SLC15A2: variants seen among roughly 807,000 people sequenced by gnomAD.
SLC15A2 encodes the protein kidney H(+)/peptide cotransporter.
In SLC15A2, 77 loss-of-function variants were observed where a neutral mutation model predicts 95.5. The observed-to-expected ratio is 0.81, with a 90% CI of 0.67 to 0.97. SLC15A2 has a LOEUF of 0.97. Ranked by LOEUF, SLC15A2 falls within the 50% of genes least tolerant of loss-of-function variation. The probability of loss-of-function intolerance (pLI) is 0.00; values close to 1 mark genes in which losing one functional copy is unlikely to be tolerated. For synonymous variants in SLC15A2, 306 were observed against 306.9 expected, an observed-to-expected ratio of 1.00 and a Z score of 0.03; for missense variants, 893 against 874.4, an observed-to-expected ratio of 1.02 and a Z score of -0.27.
At chr3:121,918,964 C>T (rs1289555454) in intron 7 of SLC15A2, among the ~76,000 whole-genome samples, 1 of 152,172 alleles carries the variant, frequency 6.6e-6, no homozygotes, top group South Asian at 2.1e-4. Flanking sequence ...GCCCACTGGG[C>T]TCGCTCAGCC....
At chr3:121,923,200 T>A (rs746975965) in intron 10 of SLC15A2, 22 bp from the exon 11 acceptor site, 1 of 1,613,860 alleles carries the variant, frequency 6.2e-7, no homozygotes, top group South Asian at 1.1e-5. Context: ...GGATTTCTCA[T>A]AACAGGATCT....
chr3:121,906,785 C>T (rs1709656006), intron 3 of SLC15A2, among the ~76,000 whole-genome samples: 1 of 152,166 alleles, frequency 6.6e-6, no homozygotes, highest in Non-Finnish European at 1.5e-5. Flanking sequence ...TCTGGCTGCC[C>T]TTAACATTTT....
At chr3:121,935,705 C>CA (rs1486916421) in intron 19 of SLC15A2, among the ~76,000 whole-genome samples, 6 of 151,912 alleles carry the variant, frequency 3.9e-5, no homozygotes, top group Admixed American at 6.6e-5. Context: ...TTGATCCTTT[C>CA]AAAAAACCAG....
intron 1 of SLC15A2, 114 bp from the exon 2 acceptor site, chr3:121,896,292 C>A (rs1311127129): frequency 2.8e-5 from 23 of 808,676 alleles, no homozygotes; most frequent in Non-Finnish European, 4.5e-5. Context: ...GACCATTGCT[C>A]CATTACCTAC....
chr3:121,940,137 C>T (rs1015528553), intron 20 of SLC15A2, among the ~76,000 whole-genome samples: 4 of 152,012 alleles, frequency 2.6e-5, no homozygotes, highest in Non-Finnish European at 5.9e-5. Flanking sequence ...TATAAGAATA[C>T]GAATAGAACT....
chr3:121,907,738 T>C (rs1709682070), intron 3 of SLC15A2, among the ~76,000 whole-genome samples: 1 of 152,210 alleles, frequency 6.6e-6, no homozygotes, highest in Non-Finnish European at 1.5e-5. Context: ...TGATCCTTCC[T>C]CTGGAAACTT....
At chr3:121,926,270 T>A (rs1710120315) in intron 13 of SLC15A2, among the ~76,000 whole-genome samples, 2 of 152,002 alleles carry the variant, frequency 1.3e-5, no homozygotes, top group African/African-American at 2.4e-5. Flanking sequence ...GGAGGTGGGG[T>A]CTGGTGGGAG....
At position 121,927,755 on chromosome 3, in the gene SLC15A2, C is replaced by T. The variant is rs774909132; in HGVS notation, c.1125-3C>T. 4.5e-5 allele frequency: 73 copies of T among 1,610,926 alleles called. No homozygotes were observed. Among genetic ancestry groups the T allele is most frequent in the Non-Finnish European group, 6.1e-5 (72 of 1,177,130 alleles). ...ATATAATTGTTTCTCCTTTCCACCA[C>T]AGATCACTTAGGAAAATGGCTGTTG... On this transcript the variant is annotated splice_region_variant and splice_polypyrimidine_tract_variant and intron_variant, in intron 13 of 21. Transcript: ENST00000489711.
intron 3 of SLC15A2, among the ~76,000 whole-genome samples, chr3:121,905,851 A>C (rs1709627587): frequency 6.6e-6 from 1 of 152,172 alleles, no homozygotes; most frequent in South Asian, 2.1e-4. Context: ...AGTTCTGTAG[A>C]TGTTTATTAG....
At chr3:121,931,931 C>T (rs897682060) in intron 19 of SLC15A2, among the ~76,000 whole-genome samples, 196 bp downstream of exon 19, 1 of 152,148 alleles carries the variant, frequency 6.6e-6, no homozygotes, top group Middle Eastern at 3.2e-3. Context: ...CAGAGTTTCG[C>T]TCTCATCGCG....
chr3:121,897,589 C>G (rs1709443303), intron 3 of SLC15A2, 60 bp downstream of exon 3: 1 of 1,551,444 alleles, frequency 6.4e-7, no homozygotes, highest in Admixed American at 1.8e-5. Context: ...AAGGCTATCA[C>G]TTCTAGCCTC....
chr3:121,927,797 C>G lies in SLC15A2; in HGVS notation c.1164C>G (p.Cys388Trp), dbSNP rs370921946. Reference sequence around the variant, plus strand: ...TGGCTGTTGGTATGATCCTAGCATGCCTGGCATTTGCAGTTGCGGCAGCTG... The same window carrying G: ...TGGCTGTTGGTATGATCCTAGCATGGCTGGCATTTGCAGTTGCGGCAGCTG... ...RKMAVGMILA[C>W]LAFAVAAAVE... Residue 388 changes from cysteine to tryptophan, a missense_variant, in exon 14 of 22, where the codon TGC (cysteine) becomes TGG (tryptophan). Cys to Trp is a radical substitution (Grantham distance 215). Coordinates refer to ENST00000489711, the MANE Select transcript of SLC15A2 (RefSeq NM_021082.4). 6.2e-7 allele frequency: 1 copy of G among 1,613,880 alleles called. No individual in the cohort carries two copies. The highest frequency in any genetic ancestry group is 8.5e-7 in the Non-Finnish European group (1 of 1,179,796).
intron 14 of SLC15A2, chr3:121,928,205 C>A: frequency 1.7e-6 from 1 of 583,926 alleles, no homozygotes; most frequent in Non-Finnish European, 3.0e-6. Flanking sequence ...CAAAAAGCAT[C>A]GAGTTTGTAA....
chr3:121,907,926 G>A (rs532700029), intron 3 of SLC15A2, among the ~76,000 whole-genome samples: 13 of 152,346 alleles, frequency 8.5e-5, no homozygotes, highest in Non-Finnish European at 1.8e-4. Context: ...AGACAGGGAC[G>A]TTTAAGTCTG....
At chr3:121,934,775 C>T (rs1710305891) in intron 19 of SLC15A2, among the ~76,000 whole-genome samples, 1 of 152,164 alleles carries the variant, frequency 6.6e-6, no homozygotes, top group Non-Finnish European at 1.5e-5. Context: ...TGCCTGATTG[C>T]CCTGGCCAGA....
chr3:121,908,639 C>T (rs914406661), intron 3 of SLC15A2, among the ~76,000 whole-genome samples: 2 of 152,152 alleles, frequency 1.3e-5, no homozygotes, highest in African/African-American at 4.8e-5. Context: ...TTTCTTCATG[C>T]AAGCTCTCTT....
In SLC15A2 at chr3:121,940,394, G is replaced by C. The variant is rs772375775; in HGVS notation, c.1919G>C (p.Ser640Thr). ...TTGTGTCATCCCCAGGCTCCCTCTAGCATGAAATCTGTGCTCCAGGCAGCT... is the reference window on the plus strand; with the variant it reads ...TTGTGTCATCCCCAGGCTCCCTCTACCATGAAATCTGTGCTCCAGGCAGCT... The part of the protein sequence containing the change: ...LEFSYSQAPS[S>T]MKSVLQAAWL... Residue 640 changes from serine (S) to threonine (T), a missense_variant, in exon 21 of 22, where the codon AGC becomes ACC. By Grantham distance (58) the Ser-to-Thr change is moderately conservative. Transcript: ENST00000489711. The C allele has an allele frequency of 6.8e-6, 11 of 1,613,726 alleles. No homozygotes were observed. The African/African-American group carries it at 1.5e-4, about 22-fold the overall frequency.
At chr3:121,936,878 G>A (rs569326759) in intron 19 of SLC15A2, among the ~76,000 whole-genome samples, 6 of 145,798 alleles carry the variant, frequency 4.1e-5, no homozygotes, top group African/African-American at 1.5e-4. Flanking sequence ...TTTACATTTT[G>A]GCATGATTTT....
chr3:121,903,122 T>C (rs1709551261), intron 3 of SLC15A2, among the ~76,000 whole-genome samples: 1 of 152,268 alleles, frequency 6.6e-6, no homozygotes, highest in Non-Finnish European at 1.5e-5. Context: ...GAGCATTTTT[T>C]CATGTGTCTG....
Sources: allele counts gnomAD v4.1 joint callset (sites outside exome capture counted in the v4.1 genomes callset), GRCh38; gene constraint gnomAD v4.1.1; transcripts MANE v1.5; gene names NCBI Gene and HGNC (gene_info 2026-07-23, HGNC 2026-07-21).